Variants in PACS1 observed in about 807,000 individuals in gnomAD.
PACS1 encodes phosphofurin acidic cluster sorting protein 1.
PACS1 carries 24 observed loss-of-function variants against 115.0 expected under a neutral mutation model. The observed-to-expected ratio is 0.21, with a 90% CI of 0.15 to 0.29. PACS1 has a LOEUF of 0.29. Among genes scored for constraint, PACS1 ranks in the 10% least tolerant of loss-of-function variants. The pLI is 1.00. For synonymous variants in PACS1, 453 were observed against 504.5 expected (o/e 0.90, Z 1.37); for missense variants, 838 against 1,251.2 (o/e 0.67, Z 4.98).
chr11:66,110,314 C>T (rs1858159800), intron 1 of PACS1, among the ~76,000 whole-genome samples: 1 of 151,892 alleles, frequency 6.6e-6, no homozygotes, highest in African/African-American at 2.4e-5. Context: ...TTTTTTTATA[C>T]ATATATAGAC....
chr11:66,072,166 G>T (rs1419476565), intron 1 of PACS1, among the ~76,000 whole-genome samples: 1 of 152,074 alleles, frequency 6.6e-6, no homozygotes, highest in African/African-American at 2.4e-5. Context: ...TCTGTGACTT[G>T]ATTGGTTTTT....
intron 1 of PACS1, among the ~76,000 whole-genome samples, chr11:66,118,720 A>G (rs1450190649): frequency 2.3e-5 from 3 of 132,284 alleles, no homozygotes; most frequent in Non-Finnish European, 3.1e-5. Context: ...TGAGCTCAGG[A>G]GTTTAAGACC....
intron 1 of PACS1, among the ~76,000 whole-genome samples, chr11:66,177,302 C>A (rs910068654): frequency 6.6e-6 from 1 of 152,156 alleles, no homozygotes; most frequent in Non-Finnish European, 1.5e-5. Flanking sequence ...AAGCGATTCT[C>A]CTGCCTCAGC....
intron 1 of PACS1, among the ~76,000 whole-genome samples, chr11:66,188,091 C>T (rs982267674): frequency 2.7e-5 from 4 of 146,446 alleles, no homozygotes; most frequent in Admixed American, 6.8e-5. Flanking sequence ...TTTATATGTT[C>T]GTTGGCTATT....
Position 66,070,326 on chromosome 11 carries a change from G to A in PACS1, c.-161G>A, listed in dbSNP as rs1354025649. ...GCAGCGGCGGTCGAGCGCGAGGCCCGCGCGCCCAGAGGCCCCGCGCGTGCG... is the reference window on the plus strand; with the variant it reads ...GCAGCGGCGGTCGAGCGCGAGGCCCACGCGCCCAGAGGCCCCGCGCGTGCG... On this transcript the variant is annotated 5_prime_UTR_variant, in exon 1 of 24. Transcript: ENST00000320580. This position sits in a 1 kb window ranked among gnomAD's most constrained non-coding sequence, Gnocchi z 5.9. 8.3e-6 allele frequency: 2 copies of A among 240,990 alleles called. No homozygotes were observed. The highest frequency in any genetic ancestry group is 5.8e-5 in the Admixed American group (1 of 17,138). 14.9% of individuals were successfully genotyped at this position (240,990 alleles called of 1,614,324 possible). A position where few individuals can be genotyped will look rare whatever the true frequency, so the allele number is the denominator to read the frequency against.
intron 1 of PACS1, among the ~76,000 whole-genome samples, chr11:66,093,014 C>T (rs1857695556): frequency 6.6e-6 from 1 of 152,072 alleles, no homozygotes; most frequent in Non-Finnish European, 1.5e-5. Context: ...TTTTTGGTTC[C>T]ATATGAACTT....
rs142796938 is a variant in PACS1, at chr11:66,095,737, C to T, written c.356+24895C>T. Among the ~76,000 whole-genome samples the T allele has an allele frequency of 8.3e-3, 1,265 of 152,182 alleles. 85 individuals are homozygous for T. In the East Asian group the frequency reaches 0.17, roughly 21 times the overall value. ...CCTCCCAAAGTGCTGGGATTACAGG[C>T]GTGAGCCACCACGCCCGGCCTCATT... On this transcript the variant is annotated intron_variant, in intron 1 of 23. Transcript: ENST00000320580.
rs375481801 is a variant in PACS1, at chr11:66,157,403, A to G, written c.357-36083A>G. On this transcript the variant is annotated intron_variant, in intron 1 of 23. Coordinates refer to ENST00000320580, the MANE Select transcript of PACS1 (RefSeq NM_018026.4). ...TTTGCAGTGGAGGAAGCTAACAGGA[A>G]GCAATCCTGTTTTCAGCCACATGTG... is the stretch of plus-strand genomic sequence containing the variant. Among the ~76,000 whole-genome samples, 11 of 152,148 alleles carry G rather than the reference A, an allele frequency of 7.2e-5. No individual in the cohort carries two copies. The South Asian group carries it at 2.1e-3, about 29-fold the overall frequency.
chr11:66,149,682 G>A (rs973819636), intron 1 of PACS1, among the ~76,000 whole-genome samples: 32 of 87,016 alleles, frequency 3.7e-4, no homozygotes, highest in East Asian at 1.3e-3. Context: ...TTGTGTTCGT[G>A]TGTGTGTGTG....
intron 1 of PACS1, among the ~76,000 whole-genome samples, chr11:66,168,320 T>A (rs1406070593): frequency 6.6e-6 from 1 of 150,606 alleles, no homozygotes; most frequent in Non-Finnish European, 1.5e-5. Context: ...AATGCTAGAG[T>A]GTCTCTTGTG....
chr11:66,175,252 C>T (rs1159536874), intron 1 of PACS1, among the ~76,000 whole-genome samples: 3 of 151,894 alleles, frequency 2.0e-5, no homozygotes, highest in Non-Finnish European at 4.4e-5. Context: ...TGTTTTAAGT[C>T]GTCAGTCTGG....
rs1238259219 is a variant in PACS1 at position 66,230,153 on chromosome 11, A to G, written c.1375-395A>G. Among the ~76,000 whole-genome samples the G allele has an allele frequency of 7.1e-3, 911 of 128,644 alleles. 8 individuals are homozygous for G. Among genetic ancestry groups the G allele is most frequent in the Non-Finnish European group, 0.012 (719 of 58,858 alleles). 84.4% of individuals were successfully genotyped at this position (128,644 alleles called of 152,430 possible). ...ATGGGGCTAAAAAAAAAAAAAAAAAAGAAAAAAAAAAAAGGAATGGGGCTA... is the reference window on the plus strand; with the variant it reads ...ATGGGGCTAAAAAAAAAAAAAAAAAGGAAAAAAAAAAAAGGAATGGGGCTA... On this transcript the variant is annotated intron_variant, in intron 11 of 23. Coordinates refer to ENST00000320580, the MANE Select transcript of PACS1 (RefSeq NM_018026.4).
chr11:66,094,485 G>A (rs1219741271), intron 1 of PACS1, among the ~76,000 whole-genome samples: 6 of 150,800 alleles, frequency 4.0e-5, no homozygotes, highest in Non-Finnish European at 8.9e-5. Flanking sequence ...ACCCTCCCAA[G>A]ACTAAACCAG....
chr11:66,232,015 T>A, intron 13 of PACS1, 157 bp from the exon 14 acceptor site: 1 of 591,138 alleles, frequency 1.7e-6, no homozygotes, highest in Non-Finnish European at 3.0e-6. Flanking sequence ...TCCATCGTGG[T>A]CTGGCCAGTG....
At chr11:66,227,432 AG>A (rs1429976845) in intron 10 of PACS1, 71 bp from the exon 11 acceptor site, 10 of 844,094 alleles carry the variant, frequency 1.2e-5, no homozygotes, top group Admixed American at 1.1e-4. Flanking sequence ...TAAGCTTCAT[AG>A]GGACCTAGTA....
intron 1 of PACS1, among the ~76,000 whole-genome samples, chr11:66,127,768 T>C (rs1327929549): frequency 6.6e-6 from 1 of 152,186 alleles, no homozygotes; most frequent in Non-Finnish European, 1.5e-5. Flanking sequence ...CCTAATACTC[T>C]ACAATAAATG....
chr11:66,120,283 A>G lies in PACS1; in HGVS notation c.356+49441A>G, dbSNP rs144593858. ...GCTAATTTTTGTATTTTTAGTAGAG[A>G]TGGGGTTTCACCATTATTGGCCAGG... On this transcript the variant is annotated intron_variant, in intron 1 of 23. Transcript: ENST00000320580. Among the ~76,000 whole-genome samples the G allele has an allele frequency of 2.6e-3, 387 of 151,752 alleles. 1 individual carries two copies. Among genetic ancestry groups the G allele is most frequent in the African/African-American group, 8.5e-3 (352 of 41,376 alleles).
At chr11:66,074,214 C>T (rs1044561349) in intron 1 of PACS1, among the ~76,000 whole-genome samples, 8 of 152,068 alleles carry the variant, frequency 5.3e-5, no homozygotes, top group Admixed American at 5.2e-4. Flanking sequence ...ATACAGTTGG[C>T]TTTTAAGATT....
Position 66,236,738 on chromosome 11 carries a change from C to T in PACS1, c.2250+798C>T, listed in dbSNP as rs879492647. On this transcript the variant is annotated intron_variant, in intron 19 of 23. Coordinates refer to ENST00000320580, the MANE Select transcript of PACS1 (RefSeq NM_018026.4). The surrounding 1 kb of genome is among the most constrained non-coding windows in gnomAD (Gnocchi z 4.2). The stretch of plus-strand genomic sequence containing the variant: ...CTTAAAAGAGCTTTACATTTCCCTT[C>T]GAAACCAGCTTCTATCTTTTTTTAT... 2.6e-5 allele frequency among the ~76,000 whole-genome samples: 4 copies of T among 151,908 alleles called. No individual in the cohort carries two copies. Among genetic ancestry groups the T allele is most frequent in the South Asian group, 2.1e-4 (1 of 4,832 alleles).
Sources: gnomAD v4.1 joint callset for allele counts (sites outside exome capture counted in the v4.1 genomes callset) on GRCh38, gnomAD v4.1.1 for gene constraint, Gnocchi (gnomAD v3.1) non-coding constraint, MANE v1.5 for transcripts, NCBI Gene and HGNC (gene_info 2026-07-23, HGNC 2026-07-21) for gene names.